HPS1: variants seen among roughly 807,000 people sequenced by gnomAD.
HPS1 encodes BLOC-3 complex member HPS1.
HPS1 carries 59 observed loss-of-function variants against 90.6 expected under a neutral mutation model. That is an observed-to-expected ratio of 0.65 (90% CI 0.53 to 0.81). The LOEUF (loss-of-function observed/expected upper bound fraction) is 0.81. Among genes scored for constraint, HPS1 ranks in the 30% least tolerant of loss-of-function variants. The pLI, the probability that HPS1 is intolerant of heterozygous loss-of-function variation, is 0.00. For synonymous variants in HPS1, 388 were observed against 384.4 expected (o/e 1.01, Z -0.11); for missense variants, 849 against 896.7 (o/e 0.95, Z 0.68).
intron 18 of HPS1, 43 bp downstream of exon 18, chr10:98,420,002 G>A: frequency 8.8e-7 from 1 of 1,140,786 alleles, no homozygotes; most frequent in Non-Finnish European, 1.3e-6. Context: ...AGAGCGGGAA[G>A]TGTGTGTGGC....
chr10:98,429,807 C>T lies in HPS1; in HGVS notation c.851G>A (p.Gly284Glu). 6.2e-7 allele frequency: 1 copy of T among 1,613,832 alleles called. No homozygotes were observed. Among genetic ancestry groups the T allele is most frequent in the Non-Finnish European group, 8.5e-7 (1 of 1,180,008 alleles). Residue 284 changes from glycine (G) to glutamate (E), a missense_variant, in exon 9 of 20, where the codon GGG becomes GAG. Physicochemically the swap from Gly to Glu is moderately conservative, Grantham distance 98 (BLOSUM62 -2). Coordinates refer to ENST00000361490, the MANE Select transcript of HPS1 (RefSeq NM_000195.5). ...AGCACACACCGTCTCTGCAGAGCTC[C>T]CCCCAGTTGGGCCCGTGGAGTGAGG... Reference protein sequence around the residue: ...WSPHSTGPTGGSSAETETDSF... With the variant: ...WSPHSTGPTGESSAETETDSF...
In HPS1 at chr10:98,424,352, G is replaced by C. The variant is rs750952142; in HGVS notation, c.1358C>G (p.Ala453Gly). ...EIQSTWLEFK[A>G]KAFSKSEPGS... ...GGGCTCACTTTTGGAGAAAGCCTTG[G>C]CCTTAAACTCCAGCCAGGTGCTCTG... Residue 453 changes from alanine to glycine, a missense_variant, in exon 14 of 20, where the codon GCC becomes GGC. Physicochemically the swap from Ala to Gly is moderately conservative, Grantham distance 60 (BLOSUM62 0). Transcript: ENST00000361490. 2 of 1,612,756 alleles carry C rather than the reference G, an allele frequency of 1.2e-6. No homozygotes were observed. Among genetic ancestry groups the C allele is most frequent in the Non-Finnish European group, 1.7e-6 (2 of 1,179,554 alleles).
At position 98,423,673 on chromosome 10, in the gene HPS1, C is replaced by T. The variant is rs369658421; in HGVS notation, c.1533-5G>A. ...TTCCAGTCCGTCAGCTTCTCCCTGC[C>T]GAGGGAAGCTCGGGCTGCGTGAAGG... On this transcript the variant is annotated splice_region_variant and splice_polypyrimidine_tract_variant and intron_variant, in intron 15 of 19. Coordinates refer to ENST00000361490, the MANE Select transcript of HPS1 (RefSeq NM_000195.5). 1.3e-5 allele frequency: 21 copies of T among 1,613,922 alleles called. No homozygotes were observed. Among genetic ancestry groups the T allele is most frequent in the Admixed American group, 3.3e-5 (2 of 60,008 alleles).
At chr10:98,430,747 A>C in intron 7 of HPS1, 77 bp from the exon 8 acceptor site, 1 of 1,216,768 alleles carries the variant, frequency 8.2e-7, no homozygotes, top group Admixed American at 2.0e-5. Flanking sequence ...AGGAGTGTGG[A>C]GCCTGGCCCC....
intron 10 of HPS1, among the ~76,000 whole-genome samples, chr10:98,427,701 G>A (rs1443866802): frequency 6.6e-6 from 1 of 151,846 alleles, no homozygotes; most frequent in African/African-American, 2.4e-5. Flanking sequence ...CAACCGGCAA[G>A]CTCTTACTGA....
At chr10:98,415,498 G>T (rs1843994265), downstream of HPS1, among the ~76,000 whole-genome samples, 1 of 152,256 alleles carries the variant, frequency 6.6e-6, no homozygotes, top group South Asian at 2.1e-4. Flanking sequence ...GGAATGAGTG[G>T]TGGAGGCAGA....
chr10:98,427,142 C>T, intron 11 of HPS1, 73 bp downstream of exon 11: 1 of 1,312,070 alleles, frequency 7.6e-7, no homozygotes, highest in Non-Finnish European at 1.1e-6. Context: ...GGAGGCGAAA[C>T]CCTCAGAGCC....
At chr10:98,424,228 G>A in intron 14 of HPS1, 85 bp downstream of exon 14, 1 of 951,860 alleles carries the variant, frequency 1.1e-6, no homozygotes, top group Non-Finnish European at 1.7e-6. Flanking sequence ...GATAAATGAA[G>A]GGCAGTGGTG....
In HPS1 at chr10:98,423,756, A is replaced by G; in HGVS notation, c.1529T>C (p.Met510Thr). ...QHLQDQVQRL[M>T]REKLTDWKDF... ...CAGGGGGCCGCACTGCACTTACCGC[A>G]TGAGCCTCTGCACTTGGTCCTGCAG... Residue 510 changes from methionine (M) to threonine (T), a missense_variant, in exon 15 of 20, where the codon ATG becomes ACG. Coordinates refer to ENST00000361490, the MANE Select transcript of HPS1 (RefSeq NM_000195.5). The G allele has an allele frequency of 6.2e-7, 1 of 1,614,122 alleles. No individual in the cohort carries two copies. The highest frequency in any genetic ancestry group is 8.5e-7 in the Non-Finnish European group (1 of 1,180,034).
intron 3 of HPS1, among the ~76,000 whole-genome samples, chr10:98,437,214 C>A (rs189894645): frequency 1.3e-5 from 2 of 152,286 alleles, no homozygotes; most frequent in Admixed American, 6.5e-5. Flanking sequence ...TACTGCTTTA[C>A]CCCGAGAGAC....
chr10:98,425,774 G>A, intron 12 of HPS1, 44 bp downstream of exon 12: 2 of 1,601,216 alleles, frequency 1.2e-6, no homozygotes, highest in Non-Finnish European at 1.7e-6. Context: ...GGGAAGACGT[G>A]CCAACCCTAA....
chr10:98,439,382 A>T (rs1937996569), intron 3 of HPS1, among the ~76,000 whole-genome samples: 1 of 152,212 alleles, frequency 6.6e-6, no homozygotes, highest in African/African-American at 2.4e-5. Context: ...CTGCAGAAGC[A>T]CAGGGGTAGG....
At chr10:98,446,688 A>C (rs1591184278) in intron 1 of HPS1, 119 bp downstream of exon 1, 3 of 130,624 alleles carry the variant, frequency 2.3e-5, no homozygotes, top group South Asian at 2.5e-4. Context: ...TGTGACATCC[A>C]CCCCTCTTCA....
chr10:98,419,137 G>A (rs1195772975), intron 18 of HPS1, among the ~76,000 whole-genome samples: 1 of 151,840 alleles, frequency 6.6e-6, no homozygotes, highest in South Asian at 2.1e-4. Flanking sequence ...GGGTAACTGA[G>A]AGAACAGTGG....
chr10:98,421,979 GAC>G (rs200573934), intron 17 of HPS1, among the ~76,000 whole-genome samples: 2,570 of 139,748 alleles, frequency 0.018, 31 homozygotes, highest in East Asian at 0.038. Flanking sequence ...CACACACACA[GAC>G]ACACACACAC....
intron 6 of HPS1, among the ~76,000 whole-genome samples, chr10:98,432,181 C>T (rs1846574659): frequency 6.6e-6 from 1 of 152,092 alleles, no homozygotes; most frequent in Non-Finnish European, 1.5e-5. Flanking sequence ...TCACACAGGG[C>T]CTGGTAGGCT....
chr10:98,443,758 C>A (rs1238002694), intron 2 of HPS1, among the ~76,000 whole-genome samples: 1 of 152,146 alleles, frequency 6.6e-6, no homozygotes, highest in African/African-American at 2.4e-5. Flanking sequence ...CAGGGCTGGG[C>A]GCGGTGGCTC....
intron 12 of HPS1, 30 bp from the exon 13 acceptor site, chr10:98,425,750 C>CGG: frequency 6.3e-7 from 1 of 1,597,506 alleles, no homozygotes; most frequent in South Asian, 1.1e-5. Flanking sequence ...GGCGGGTGAA[C>CGG]GGGGCTGCCC....
chr10:98,423,656 C>T lies in HPS1; in HGVS notation c.1545G>A (p.Thr515=), dbSNP rs141596696. The T allele has an allele frequency of 6.2e-6, 10 of 1,613,940 alleles. No individual in the cohort carries two copies. The highest frequency in any genetic ancestry group is 4.4e-5 in the South Asian group (4 of 91,092). The change falls in exon 16 of 20, where the codon ACG becomes ACA. Residue 515 remains threonine (T), a synonymous_variant. Transcript: ENST00000361490. ...TCACCAGCAAGAAGTCCTTCCAGTC[C>T]GTCAGCTTCTCCCTGCCGAGGGAAG... is the stretch of plus-strand genomic sequence containing the variant. The part of the protein sequence containing the change: ...QVQRLMREKL[T]DWKDFLLVKS...
Sources: gnomAD v4.1 joint callset for allele counts (sites outside exome capture counted in the v4.1 genomes callset) on GRCh38, gnomAD v4.1.1 for gene constraint, MANE v1.5 for transcripts, NCBI Gene and HGNC (gene_info 2026-07-23, HGNC 2026-07-21) for gene names.